DPY19L1: variants seen among roughly 807,000 people sequenced by gnomAD.
DPY19L1 encodes the protein dpy-19 like C-mannosyltransferase 1.
Under a neutral mutation model 96.9 loss-of-function variants are expected in DPY19L1, and 35 were observed. The ratio of observed to expected loss-of-function variants is 0.36; its 90% CI spans 0.28 to 0.48. The LOEUF is 0.48. Among genes scored for constraint, DPY19L1 ranks in the 20% least tolerant of loss-of-function variants. The pLI is 0.99. For missense variants in DPY19L1, 521 were observed against 777.9 expected, an observed-to-expected ratio of 0.67 and a Z score of 3.93; for synonymous variants, 205 against 252.6, an observed-to-expected ratio of 0.81 and a Z score of 1.79.
intron 6 of DPY19L1, among the ~76,000 whole-genome samples, chr7:35,002,665 A>G (rs1263764036): frequency 6.6e-6 from 1 of 152,202 alleles, no homozygotes; most frequent in Non-Finnish European, 1.5e-5. Flanking sequence ...GATATTCTAC[A>G]ATCTTCCAGA....
At position 34,966,986 on chromosome 7, in the gene DPY19L1, G is replaced by T; in HGVS notation, c.1015-15C>A. On this transcript the variant is annotated splice_polypyrimidine_tract_variant and intron_variant, in intron 9 of 21. Transcript: ENST00000638088. Reference sequence around the variant, plus strand: ...AATGATGCAATCTGAAATTTAAAAAGAAATTAGAAGTAAAAAAGATAAAAT... The same window carrying T: ...AATGATGCAATCTGAAATTTAAAAATAAATTAGAAGTAAAAAAGATAAAAT... 1.3e-6 allele frequency: 2 copies of T among 1,493,250 alleles called. No individual in the cohort carries two copies. Among genetic ancestry groups the T allele is most frequent in the South Asian group, 2.6e-5 (2 of 77,164 alleles). The allele number at this position is 1,493,250 out of a possible 1,614,324, so 92.5% of individuals were successfully genotyped here.
chr7:34,958,946 CT>C (rs750488704), intron 10 of DPY19L1, among the ~76,000 whole-genome samples: 1 of 152,040 alleles, frequency 6.6e-6, no homozygotes, highest in East Asian at 1.9e-4. Flanking sequence ...CATTATTTTC[CT>C]TAACAGCTCT....
intron 4 of DPY19L1, among the ~76,000 whole-genome samples, chr7:35,012,646 TA>T (rs903164287): frequency 5.3e-5 from 8 of 151,816 alleles, no homozygotes; most frequent in South Asian, 2.1e-4. Context: ...AAATGTAAAT[TA>T]AAAAAAATTA....
chr7:34,994,077 T>G (rs1230999507), intron 6 of DPY19L1, among the ~76,000 whole-genome samples: 4 of 152,060 alleles, frequency 2.6e-5, no homozygotes, highest in Non-Finnish European at 4.4e-5. Context: ...ATAAAAATTT[T>G]TTTGGACAAC....
At chr7:34,987,775 A>C (rs957104179) in intron 7 of DPY19L1, among the ~76,000 whole-genome samples, 2 of 152,058 alleles carry the variant, frequency 1.3e-5, no homozygotes, top group African/African-American at 4.8e-5. Flanking sequence ...AGAAAAAAAT[A>C]GGGTCTGAAG....
intron 6 of DPY19L1, among the ~76,000 whole-genome samples, chr7:34,997,706 G>A (rs1334804859): frequency 6.6e-6 from 1 of 151,414 alleles, no homozygotes; most frequent in Non-Finnish European, 1.5e-5. Flanking sequence ...AATCCAGCCT[G>A]TATAAGCAGC....
At chr7:34,995,116 G>A (rs1472583321) in intron 6 of DPY19L1, among the ~76,000 whole-genome samples, 1 of 152,146 alleles carries the variant, frequency 6.6e-6, no homozygotes, top group Non-Finnish European at 1.5e-5. Context: ...GGAATGTTCT[G>A]AGTTAGAAAC....
rs900546601 is a variant in DPY19L1, at chr7:35,008,299, G to A, written c.764+2169C>T. 2.6e-5 allele frequency among the ~76,000 whole-genome samples: 4 copies of A among 152,138 alleles called. No homozygotes were observed. In the South Asian group the frequency reaches 6.2e-4, roughly 24 times the overall value. Reference sequence around the variant, plus strand: ...TTTAAGAAACTACTTGGTATGAATAGTGTGTGTTGACTGAACAACTGAATA... The same window carrying A: ...TTTAAGAAACTACTTGGTATGAATAATGTGTGTTGACTGAACAACTGAATA... On this transcript the variant is annotated intron_variant, in intron 6 of 21. Coordinates refer to ENST00000638088, the MANE Select transcript of DPY19L1 (RefSeq NM_001366673.1).
rs1478457399 is a variant in DPY19L1 at position 35,027,588 on chromosome 7, G to C, written c.299-8992C>G. ...CTCACGCCTGTAATCCCAGCACTTT[G>C]GGAGGCCGAGGCGGGTGGATCACCT... is the stretch of plus-strand genomic sequence containing the variant. On this transcript the variant is annotated intron_variant, in intron 1 of 21. Coordinates refer to ENST00000638088, the MANE Select transcript of DPY19L1 (RefSeq NM_001366673.1). 5.9e-5 allele frequency among the ~76,000 whole-genome samples: 9 copies of C among 151,524 alleles called. No individual in the cohort carries two copies. The East Asian group carries it at 1.8e-3, about 29-fold the overall frequency.
At chr7:34,943,093 T>C (rs918944444) in intron 16 of DPY19L1, among the ~76,000 whole-genome samples, 6 of 152,250 alleles carry the variant, frequency 3.9e-5, no homozygotes, top group Admixed American at 6.5e-5. Flanking sequence ...TCTTAAGCAC[T>C]GATATGTTCC....
intron 6 of DPY19L1, among the ~76,000 whole-genome samples, chr7:35,002,960 C>T (rs1275800215): frequency 3.9e-5 from 6 of 151,940 alleles, no homozygotes; most frequent in Non-Finnish European, 5.9e-5. Flanking sequence ...TTAGTAGAGA[C>T]GGGGTTTCAC....
rs1785442400 is a variant in DPY19L1, at chr7:35,002,152, AAAC to A, written c.764+8313_764+8315del. Among the ~76,000 whole-genome samples, 4 of 151,572 alleles carry A rather than the reference AAAC, an allele frequency of 2.6e-5. No individual in the cohort carries two copies. In the South Asian group the frequency reaches 8.3e-4, roughly 31 times the overall value. Reference sequence around the variant, plus strand: ...AAAAAAAAAAAAAAAACAAAACAAAAAACAACAACAAAAAAAACCCACACACAC... The same window carrying A: ...AAAAAAAAAAAAAAAACAAAACAAAAAACAACAAAAAAAACCCACACACAC... On this transcript the variant is annotated intron_variant, in intron 6 of 21. Transcript: ENST00000638088.
At chr7:34,952,144 C>G in intron 13 of DPY19L1, among the ~76,000 whole-genome samples, 1 of 142,738 alleles carries the variant, frequency 7.0e-6, no homozygotes, top group Non-Finnish European at 1.5e-5. Context: ...AAAAAACCCA[C>G]AACAGCTCTT....
chr7:35,028,267 C>A (rs1183530717), intron 1 of DPY19L1, among the ~76,000 whole-genome samples: 2 of 152,092 alleles, frequency 1.3e-5, no homozygotes, highest in African/African-American at 4.8e-5. Flanking sequence ...CACTAGCACA[C>A]AGGAGGAAAT....
intron 21 of DPY19L1, among the ~76,000 whole-genome samples, chr7:34,936,832 A>G (rs1165266239): frequency 6.6e-6 from 1 of 152,168 alleles, no homozygotes; most frequent in Non-Finnish European, 1.5e-5. Context: ...TCACAGAACT[A>G]TTTTTCACTC....
intron 7 of DPY19L1, among the ~76,000 whole-genome samples, chr7:34,982,787 G>A (rs117856086): frequency 0.022 from 3,295 of 152,240 alleles, 56 homozygotes; most frequent in Non-Finnish European, 0.032. Flanking sequence ...GACACACACA[G>A]ACATACACAC....
chr7:34,973,785 AG>A (rs1305606181), intron 7 of DPY19L1, among the ~76,000 whole-genome samples, 180 bp from the exon 8 acceptor site: 2 of 152,218 alleles, frequency 1.3e-5, no homozygotes, highest in African/African-American at 4.8e-5. Flanking sequence ...TATTACTGAC[AG>A]AGACACATGT....
At chr7:34,966,354 G>C (rs1016588879) in intron 10 of DPY19L1, among the ~76,000 whole-genome samples, 5 of 152,032 alleles carry the variant, frequency 3.3e-5, no homozygotes, top group African/African-American at 1.2e-4. Flanking sequence ...CTGGAGTGCA[G>C]TGGTGTGATC....
chr7:34,954,048 T>G (rs1467575379), intron 13 of DPY19L1, among the ~76,000 whole-genome samples: 1 of 152,180 alleles, frequency 6.6e-6, no homozygotes, highest in East Asian at 1.9e-4. Context: ...ATAGTTTATT[T>G]TTTCCATGTT....
Sources: allele counts gnomAD v4.1 joint callset (sites outside exome capture counted in the v4.1 genomes callset), GRCh38; gene constraint gnomAD v4.1.1; transcripts MANE v1.5; gene names NCBI Gene and HGNC (gene_info 2026-07-23, HGNC 2026-07-21).